The following GLDC variants were observed in gnomAD, a reference collection of about 807,000 sequenced individuals.
The protein encoded by GLDC is glycine decarboxylase, also known as glycine dehydrogenase (decarboxylating), mitochondrial.
GLDC carries 104 observed loss-of-function variants against 121.3 expected under a neutral mutation model. The observed-to-expected ratio is 0.86, with a 90% confidence interval of 0.73 to 1.01. GLDC has a LOEUF of 1.01. Among genes scored for constraint, GLDC ranks in the 50% least tolerant of loss-of-function variants. The probability of loss-of-function intolerance (pLI) is 0.00; values close to 1 mark genes in which losing one functional copy is unlikely to be tolerated. For missense variants in GLDC, 1,429 were observed against 1,306.6 expected, an observed-to-expected ratio of 1.09 and a Z score of -1.44; for synonymous variants, 546 against 480.6, an observed-to-expected ratio of 1.14 and a Z score of -1.78.
intron 7 of GLDC, among the ~76,000 whole-genome samples, chr9:6,604,250 C>T (rs7019525): frequency 0.023 from 3,456 of 152,228 alleles, 129 homozygotes; most frequent in African/African-American, 0.078. Flanking sequence ...TACAGAGCCA[C>T]GTGGCATAAT....
intron 15 of GLDC, among the ~76,000 whole-genome samples, chr9:6,577,415 T>C (rs1249107127): frequency 6.6e-6 from 1 of 152,134 alleles, no homozygotes; most frequent in Non-Finnish European, 1.5e-5. Flanking sequence ...GCCAACCTTA[T>C]CCCATATCCA....
At chr9:6,644,826 ACT>A (rs796296131) in intron 1 of GLDC, 134 bp from the exon 2 acceptor site, 12 of 706,462 alleles carry the variant, frequency 1.7e-5, no homozygotes, top group African/African-American at 8.8e-5. Flanking sequence ...GAAAAGGAAA[ACT>A]CTGAGCAAGC....
intron 2 of GLDC, among the ~76,000 whole-genome samples, chr9:6,644,354 C>A (rs954836289): frequency 6.6e-6 from 1 of 152,004 alleles, no homozygotes. Flanking sequence ...TGCTACAAAA[C>A]GCAGGGGAAG....
rs148008276 is a variant in GLDC, at chr9:6,551,570, C to T, written c.2458-656G>A. On this transcript the variant is annotated intron_variant, in intron 20 of 24. Transcript: ENST00000321612. ...CTAATGTAAAGAGAATGAGAGAGCA[C>T]CAAATAAAACAACAGTAGTACTTTG... Among the ~76,000 whole-genome samples the T allele has an allele frequency of 6.0e-4, 91 of 152,106 alleles. No individual in the cohort carries two copies. In the Middle Eastern group the frequency reaches 0.017, roughly 28 times the overall value.
At chr9:6,539,620 A>C (rs577391359) in intron 22 of GLDC, among the ~76,000 whole-genome samples, 1 of 152,332 alleles carries the variant, frequency 6.6e-6, no homozygotes, top group South Asian at 2.1e-4. Flanking sequence ...GCTTCAAAGA[A>C]AGTTGCATTT....
chr9:6,643,774 C>G (rs1819676182), intron 2 of GLDC, among the ~76,000 whole-genome samples: 1 of 151,880 alleles, frequency 6.6e-6, no homozygotes, highest in Non-Finnish European at 1.5e-5. Flanking sequence ...TGACTCGTGC[C>G]TGTAATCCCA....
At chr9:6,541,765 T>G (rs1235789189) in intron 21 of GLDC, 1 of 129,610 alleles carries the variant, frequency 7.7e-6, no homozygotes, top group African/African-American at 3.0e-5. Context: ...AGGTGGTGGT[T>G]GCAGTGAGCC....
chr9:6,627,928 C>G (rs1219966627), intron 2 of GLDC, among the ~76,000 whole-genome samples: 1 of 152,210 alleles, frequency 6.6e-6, no homozygotes, highest in Admixed American at 6.5e-5. Flanking sequence ...TGCAGGAGAA[C>G]AAACCCAGTG....
At chr9:6,550,280 ACTAGGAGC>A (rs1563833112) in intron 21 of GLDC, among the ~76,000 whole-genome samples, 2 of 152,162 alleles carry the variant, frequency 1.3e-5, no homozygotes, top group Non-Finnish European at 2.9e-5. Context: ...TGCTGTGTAG[ACTAGGAGC>A]CTAGGAGAAA....
intron 15 of GLDC, among the ~76,000 whole-genome samples, chr9:6,578,773 T>A (rs956369281): frequency 6.6e-5 from 10 of 152,188 alleles, no homozygotes; most frequent in African/African-American, 2.4e-4. Flanking sequence ...GATCAAGTGA[T>A]CCTCCTGCCT....
chr9:6,600,776 T>C (rs1287598142), intron 8 of GLDC, among the ~76,000 whole-genome samples: 1 of 152,092 alleles, frequency 6.6e-6, no homozygotes, highest in African/African-American at 2.4e-5. Context: ...TGGCTGGGTT[T>C]CACAAACACT....
chr9:6,554,596 T>G (rs1817579756), intron 19 of GLDC, 73 bp downstream of exon 19: 14 of 998,854 alleles, frequency 1.4e-5, no homozygotes, highest in Non-Finnish European at 2.0e-5. Flanking sequence ...TTTGATGGGA[T>G]GAGTAGTCTA....
chr9:6,568,067 T>C (rs755736721), intron 15 of GLDC, among the ~76,000 whole-genome samples: 37 of 152,246 alleles, frequency 2.4e-4, no homozygotes, highest in Non-Finnish European at 4.6e-4. Flanking sequence ...TCTATTCATC[T>C]GACTTTCTTG....
intron 2 of GLDC, among the ~76,000 whole-genome samples, chr9:6,620,613 G>A (rs1042107551): frequency 6.6e-6 from 1 of 151,994 alleles, no homozygotes; most frequent in Admixed American, 6.6e-5. Flanking sequence ...CTCATTCCAG[G>A]CTTTTTCTGT....
intron 15 of GLDC, among the ~76,000 whole-genome samples, chr9:6,578,217 G>C (rs1818110699): frequency 6.6e-6 from 1 of 151,532 alleles, no homozygotes; most frequent in Non-Finnish European, 1.5e-5. Context: ...ACCTCTGGGT[G>C]TAAGTGATCC....
intron 15 of GLDC, among the ~76,000 whole-genome samples, chr9:6,573,565 C>G (rs990662541): frequency 6.6e-6 from 1 of 151,920 alleles, no homozygotes; most frequent in Non-Finnish European, 1.5e-5. Context: ...AAAGCGACCC[C>G]CATCCATCCT....
chr9:6,555,380 G>A (rs1207056743), intron 18 of GLDC, among the ~76,000 whole-genome samples: 2 of 152,054 alleles, frequency 1.3e-5, no homozygotes, highest in East Asian at 1.9e-4. Flanking sequence ...GTGACCAAAG[G>A]TACAGAATTC....
At chr9:6,571,155 G>C (rs947481944) in intron 15 of GLDC, among the ~76,000 whole-genome samples, 48 of 151,676 alleles carry the variant, frequency 3.2e-4, no homozygotes, top group African/African-American at 1.1e-3. Context: ...CAAAGTAACT[G>C]GAATAGCTAC....
At chr9:6,615,952 G>C (rs954792314) in intron 3 of GLDC, among the ~76,000 whole-genome samples, 1 of 149,672 alleles carries the variant, frequency 6.7e-6, no homozygotes, top group African/African-American at 2.5e-5. Flanking sequence ...ATACAGGCTT[G>C]TGCTATGCTA....
Sources: allele counts gnomAD v4.1 joint callset (sites outside exome capture counted in the v4.1 genomes callset), GRCh38; gene constraint gnomAD v4.1.1; transcripts MANE v1.5; gene names NCBI Gene and HGNC (gene_info 2026-07-23, HGNC 2026-07-21).